The following RBM20 variants were observed in gnomAD, a reference collection of about 807,000 sequenced individuals.
RBM20 encodes RNA binding motif protein 20.
In RBM20, 51 loss-of-function variants were observed where a neutral mutation model predicts 110.1. That is an observed-to-expected ratio of 0.46 (90% CI 0.37 to 0.59). The LOEUF is 0.59. Ranked by LOEUF, RBM20 falls within the 20% of genes least tolerant of loss-of-function variation. The probability of loss-of-function intolerance (pLI) is 0.00; values close to 1 mark genes in which losing one functional copy is unlikely to be tolerated. For synonymous variants in RBM20, 589 were observed against 618.2 expected (o/e 0.95, Z 0.70); for missense variants, 1,512 against 1,574.9 (o/e 0.96, Z 0.68).
chr10:110,726,700 C>T (rs1843563892), intron 1 of RBM20, among the ~76,000 whole-genome samples: 1 of 151,630 alleles, frequency 6.6e-6, no homozygotes, highest in African/African-American at 2.4e-5. Context: ...CAAGGGTCTC[C>T]AAGACCACAT....
chr10:110,831,666 T>TTA (rs1483400580), intron 13 of RBM20, among the ~76,000 whole-genome samples: 4 of 58,414 alleles, frequency 6.8e-5, no homozygotes, highest in African/African-American at 2.3e-4. Flanking sequence ...CTTGCTAGAA[T>TTA]AAAAAAAAAA....
Position 110,812,278 on chromosome 10 carries a change from A to T in RBM20, c.1881A>T (p.Arg627Ser), listed in dbSNP as rs1482868696. The T allele has an allele frequency of 1.3e-6, 2 of 1,541,684 alleles. No individual in the cohort carries two copies. Among genetic ancestry groups the T allele is most frequent in the Admixed American group, 2.0e-5 (1 of 50,648 alleles). ...RERDMFREAD[R>S]YGPERPRSRS... ...ATCCTGCTCCTTGGCTCCCTCACAG[A>T]TATGGCCCAGAAAGGCCGCGGTCTC... The change falls in exon 9 of 14, where the codon AGA (arginine) becomes AGT (serine). Residue 627 changes from arginine (R) to serine (S), a missense_variant and splice_region_variant. Physicochemically the swap from Arg to Ser is moderately radical, Grantham distance 110. Transcript: ENST00000369519.
At chr10:110,811,009 C>T (rs1487862617) in intron 8 of RBM20, among the ~76,000 whole-genome samples, 1 of 152,212 alleles carries the variant, frequency 6.6e-6, no homozygotes, top group Non-Finnish European at 1.5e-5. Context: ...CAACCCATTT[C>T]TTCCAACCGA....
intron 7 of RBM20, among the ~76,000 whole-genome samples, chr10:110,803,404 A>G (rs1046624682): frequency 6.6e-6 from 1 of 152,212 alleles, no homozygotes; most frequent in Non-Finnish European, 1.5e-5. Context: ...AGCCGCAGAG[A>G]TAGTATTCTA....
chr10:110,810,241 G>T, intron 7 of RBM20, 142 bp from the exon 8 acceptor site: 1 of 647,740 alleles, frequency 1.5e-6, no homozygotes, highest in East Asian at 3.0e-5. Flanking sequence ...TCATCCGTTG[G>T]ATTACACCTT....
intron 7 of RBM20, among the ~76,000 whole-genome samples, chr10:110,807,591 C>A (rs945988093): frequency 1.3e-5 from 2 of 152,216 alleles, no homozygotes; most frequent in African/African-American, 4.8e-5. Flanking sequence ...CCTGCTCCTG[C>A]CCCCATGCAC....
intron 1 of RBM20, among the ~76,000 whole-genome samples, chr10:110,648,741 C>A (rs1011228757): frequency 2.0e-5 from 3 of 151,990 alleles, no homozygotes; most frequent in Admixed American, 6.5e-5. Context: ...TCTTAGCAGC[C>A]TGAATGATTC....
intron 1 of RBM20, among the ~76,000 whole-genome samples, chr10:110,725,095 A>G (rs10749050): frequency 0.7 from 107,170 of 152,088 alleles, 38,283 homozygotes; most frequent in East Asian, 1. Flanking sequence ...TTTCCCATCT[A>G]CACAGCAGGT....
At chr10:110,764,391 C>A (rs984109502) in intron 1 of RBM20, among the ~76,000 whole-genome samples, 1 of 152,228 alleles carries the variant, frequency 6.6e-6, no homozygotes, top group African/African-American at 2.4e-5. Flanking sequence ...CGCGATCAGA[C>A]CTAGATCCCT....
At chr10:110,829,185 C>T (rs1845018330) in intron 12 of RBM20, among the ~76,000 whole-genome samples, 1 of 152,202 alleles carries the variant, frequency 6.6e-6, no homozygotes. Flanking sequence ...GTCTCGGCTC[C>T]CTGCAGAGCA....
At chr10:110,810,793 G>A (rs1039918379) in intron 8 of RBM20, among the ~76,000 whole-genome samples, 1 of 150,278 alleles carries the variant, frequency 6.7e-6, no homozygotes, top group African/African-American at 2.5e-5. Context: ...TAAAAGTAAT[G>A]CGTGTGTGTG....
chr10:110,835,930 GC>G lies in RBM20; in HGVS notation c.3638del (p.Pro1213GlnfsTer35). ...AGACCGAGGGGGCAGATAGCCCGAGGCCAGAGGACAGCGGAATCGTGCCACG... is the reference window on the plus strand; with the variant it reads ...AGACCGAGGGGGCAGATAGCCCGAGGCAGAGGACAGCGGAATCGTGCCACG... ...KETEGADSPR[P>X]EDSGIVPRFE... On this transcript the variant is annotated frameshift_variant, in exon 14 of 14. Transcript: ENST00000369519. LOFTEE classifies it high-confidence loss of function. The G allele has an allele frequency of 6.8e-7, 1 of 1,480,962 alleles. No individual in the cohort carries two copies. Among genetic ancestry groups the G allele is most frequent in the Non-Finnish European group, 9.2e-7 (1 of 1,083,524 alleles). The allele number at this position is 1,480,962 out of a possible 1,614,324, so 91.7% of individuals were successfully genotyped here.
At chr10:110,670,164 T>G (rs1224044124) in intron 1 of RBM20, among the ~76,000 whole-genome samples, 4 of 152,256 alleles carry the variant, frequency 2.6e-5, no homozygotes, top group African/African-American at 9.6e-5. Context: ...CATCTCTCTT[T>G]GCACGTTTAC....
Position 110,760,425 on chromosome 10 carries a change from CTTTTTTTTTTTTTTTTT to C in RBM20, c.192-20364_192-20348del, listed in dbSNP as rs541027608. 1.7e-4 allele frequency among the ~76,000 whole-genome samples: 10 copies of C among 57,876 alleles called. No individual in the cohort carries two copies. The South Asian group carries it at 9.1e-3, about 52-fold the overall frequency. 38.0% of individuals were successfully genotyped at this position (57,876 alleles called of 152,430 possible). A position where few individuals can be genotyped will look rare whatever the true frequency, so the allele number is the denominator to read the frequency against. On this transcript the variant is annotated intron_variant, in intron 1 of 13. Coordinates refer to ENST00000369519, the MANE Select transcript of RBM20 (RefSeq NM_001134363.3). ...TATTAGCCCAGCTGAATTCCATCATCTTTTTTTTTTTTTTTTTTTTTTTTTTTTGGAGACAGGGTATC... is the reference window on the plus strand; with the variant it reads ...TATTAGCCCAGCTGAATTCCATCATCTTTTTTTTTTTGGAGACAGGGTATC...
intron 1 of RBM20, among the ~76,000 whole-genome samples, chr10:110,689,246 G>T (rs901150881): frequency 1.3e-5 from 2 of 152,220 alleles, no homozygotes; most frequent in Non-Finnish European, 1.5e-5. Flanking sequence ...GGTTCAGCAC[G>T]TGCTGACTGG....
chr10:110,780,992 C>A lies in RBM20; in HGVS notation c.383C>A (p.Ala128Asp). 6.4e-7 allele frequency: 1 copy of A among 1,551,766 alleles called. No homozygotes were observed. The highest frequency in any genetic ancestry group is 8.7e-7 in the Non-Finnish European group (1 of 1,147,016). The change falls in exon 2 of 14, where the codon GCC (alanine) becomes GAC (aspartate). Residue 128 changes from alanine (A) to aspartate (D), a missense_variant. Ala to Asp is a moderately radical substitution (Grantham distance 126). Around this residue, in one of 3 missense-constraint regions of RBM20, gnomAD observed 1,149 missense variants for 1,169.4 expected, o/e 0.98. Coordinates refer to ENST00000369519, the MANE Select transcript of RBM20 (RefSeq NM_001134363.3). ...TVLNQVLSKV[A>D]MSQPLFNQLR... ...CTGAACCAAGTCCTCTCCAAAGTGG[C>A]CATGTCCCAGCCTCTCTTCAATCAA...
intron 1 of RBM20, among the ~76,000 whole-genome samples, chr10:110,762,777 C>T (rs1844023709): frequency 6.6e-6 from 1 of 152,142 alleles, no homozygotes; most frequent in African/African-American, 2.4e-5. Flanking sequence ...AGGAGCAGAG[C>T]CTTCTATGTG....
chr10:110,729,930 C>T (rs1259346438), intron 1 of RBM20, among the ~76,000 whole-genome samples: 2 of 152,234 alleles, frequency 1.3e-5, no homozygotes, highest in Non-Finnish European at 2.9e-5. Context: ...ATTCGCCTGC[C>T]TCAGCCTCCT....
At position 110,812,747 on chromosome 10, in the gene RBM20, A is replaced by G; in HGVS notation, c.2350A>G (p.Arg784Gly). Residue 784 changes from arginine (R) to glycine (G), a missense_variant, in exon 9 of 14, where the codon AGG (arginine) becomes GGG (glycine). Arg to Gly is a moderately radical substitution (Grantham distance 125). Around this residue, in one of 3 missense-constraint regions of RBM20, gnomAD observed 1,149 missense variants for 1,169.4 expected, o/e 0.98. Transcript: ENST00000369519. Reference protein sequence around the residue: ...QQQDAPGRSRRKDEARLRESR... With the variant: ...QQQDAPGRSRGKDEARLRESR... ...GCAGGATGCCCCCGGGAGGTCCAGG[A>G]GGAAAGACGAGGCCAGGCTGCGGGA... The G allele has an allele frequency of 3.2e-6, 5 of 1,551,754 alleles. No individual in the cohort carries two copies. The highest frequency in any genetic ancestry group is 3.5e-6 in the Non-Finnish European group (4 of 1,147,010).
Sources: gnomAD v4.1 joint callset for allele counts (sites outside exome capture counted in the v4.1 genomes callset) on GRCh38, gnomAD v4.1.1 for gene constraint, gnomAD v4.1.1 regional missense constraint, MANE v1.5 for transcripts, NCBI Gene and HGNC (gene_info 2026-07-23, HGNC 2026-07-21) for gene names.